The following UBOX5 variants were observed in gnomAD, a reference collection of about 807,000 sequenced individuals.
UBOX5 encodes the protein U-box domain containing 5.
Under a neutral mutation model 39.0 loss-of-function variants are expected in UBOX5, and 28 were observed. That is an observed-to-expected ratio of 0.72 (90% CI 0.53 to 0.98). UBOX5 has a LOEUF of 0.98. Ranked by LOEUF, UBOX5 falls within the 50% of genes least tolerant of loss-of-function variation. The probability of loss-of-function intolerance (pLI) is 0.00; values close to 1 mark genes in which losing one functional copy is unlikely to be tolerated. For synonymous variants in UBOX5, 283 were observed against 275.5 expected (o/e 1.03, Z -0.27); for missense variants, 585 against 674.4 (o/e 0.87, Z 1.47).
intron 1 of UBOX5, among the ~76,000 whole-genome samples, chr20:3,127,402 T>C (rs989529397): frequency 6.6e-6 from 1 of 152,170 alleles, no homozygotes; most frequent in African/African-American, 2.4e-5. Context: ...CTTGTAAATG[T>C]CTATTATCTC....
Position 3,120,577 on chromosome 20 carries a change from C to T in UBOX5, c.1255+807G>A, listed in dbSNP as rs980848462. Among the ~76,000 whole-genome samples, 140 of 148,594 alleles carry T rather than the reference C, an allele frequency of 9.4e-4. 2 individuals are homozygous for T. The highest frequency in any genetic ancestry group is 2.4e-3 in the African/African-American group (98 of 40,056). ...AGGAGAATGGTGTGAACCCGGAAGG[C>T]AGAGCTTGCAGTGAGCCGAGATCAT... On this transcript the variant is annotated intron_variant, in intron 3 of 4. Coordinates refer to ENST00000217173, the MANE Select transcript of UBOX5 (RefSeq NM_014948.4).
chr20:3,115,307 G>C lies in UBOX5; in HGVS notation c.1415C>G (p.Ser472Trp). Reference sequence around the variant, plus strand: ...GGAGATGGCGGGGCCCATGTTACCCGAGCCGGTGCCAGGCCTCCAGGAAGT... The same window carrying C: ...GGAGATGGCGGGGCCCATGTTACCCCAGCCGGTGCCAGGCCTCCAGGAAGT... ...SNTSWRPGTG[S>W]EQPGSILGPE... Residue 472 changes from serine (S) to tryptophan (W), a missense_variant and splice_region_variant, in exon 4 of 5, where the codon TCG becomes TGG. Ser to Trp is a radical substitution (Grantham distance 177). Coordinates refer to ENST00000217173, the MANE Select transcript of UBOX5 (RefSeq NM_014948.4). 6.2e-7 allele frequency: 1 copy of C among 1,610,404 alleles called. No individual in the cohort carries two copies. Among genetic ancestry groups the C allele is most frequent in the Non-Finnish European group, 8.5e-7 (1 of 1,178,450 alleles).
intron 1 of UBOX5, among the ~76,000 whole-genome samples, chr20:3,159,529 G>A (rs1024376020): frequency 3.3e-5 from 5 of 152,210 alleles, no homozygotes; most frequent in Admixed American, 6.5e-5. Context: ...AAAAATCAAG[G>A]GTCAGATAAG....
Position 3,110,097 on chromosome 20 carries a change from G to C in UBOX5, c.*9C>G, listed in dbSNP as rs2066241204. On this transcript the variant is annotated 3_prime_UTR_variant, in exon 5 of 5. Transcript: ENST00000217173. Reference sequence around the variant, plus strand: ...CAGCAATGGGTCTCCTCCAGTGGAGGTCAGTCACTCAGAAGTGGACCCGCA... The same window carrying C: ...CAGCAATGGGTCTCCTCCAGTGGAGCTCAGTCACTCAGAAGTGGACCCGCA... 3.1e-6 allele frequency: 5 copies of C among 1,610,074 alleles called. No homozygotes were observed. The African/African-American group carries it at 5.3e-5, about 17-fold the overall frequency.
chr20:3,156,016 G>A (rs1236965310), intron 1 of UBOX5, among the ~76,000 whole-genome samples: 2 of 152,104 alleles, frequency 1.3e-5, no homozygotes, highest in African/African-American at 2.4e-5. Context: ...AGAACAGTAG[G>A]GAGAAAAGAC....
intron 1 of UBOX5, among the ~76,000 whole-genome samples, chr20:3,145,765 G>C (rs1217709208): frequency 6.6e-6 from 1 of 152,142 alleles, no homozygotes; most frequent in African/African-American, 2.4e-5. Context: ...CAAGGTATAG[G>C]CCAGCCACAG....
chr20:3,122,063 T>A lies in UBOX5; in HGVS notation c.576A>T (p.Glu192Asp). ...GGGIPCIKRL[E>D]VWGQPAKTCS... The stretch of plus-strand genomic sequence containing the variant: ...AGGTCTTGGCCGGCTGACCCCACAC[T>A]TCCAACCGCTTGATACAAGGGATAC... The change falls in exon 3 of 5, where the codon GAA (glutamate) becomes GAT (aspartate). Residue 192 changes from glutamate (E) to aspartate (D), a missense_variant. Physicochemically the swap from Glu to Asp is conservative, Grantham distance 45. Transcript: ENST00000217173. 2.5e-6 allele frequency: 4 copies of A among 1,614,192 alleles called. No individual in the cohort carries two copies. Among genetic ancestry groups the A allele is most frequent in the Non-Finnish European group, 3.4e-6 (4 of 1,180,040 alleles).
At chr20:3,115,956 G>T (rs2066290819) in intron 3 of UBOX5, among the ~76,000 whole-genome samples, 1 of 151,978 alleles carries the variant, frequency 6.6e-6, no homozygotes, top group Non-Finnish European at 1.5e-5. Context: ...TAGAGACGGG[G>T]TTTCACCATG....
intron 1 of UBOX5, chr20:3,148,255 G>C: frequency 6.2e-7 from 1 of 1,612,452 alleles, no homozygotes; most frequent in Non-Finnish European, 8.5e-7. Flanking sequence ...GATCCTTCCA[G>C]TGCAAATTAA....
intron 1 of UBOX5, among the ~76,000 whole-genome samples, chr20:3,126,719 T>C (rs1568473407): frequency 1.3e-5 from 2 of 149,754 alleles, no homozygotes; most frequent in East Asian, 3.9e-4. Flanking sequence ...AGAAAGAAAA[T>C]ATTAGGGTTG....
At chr20:3,118,016 A>T (rs1002597664) in intron 3 of UBOX5, among the ~76,000 whole-genome samples, 1 of 151,824 alleles carries the variant, frequency 6.6e-6, no homozygotes, top group Non-Finnish European at 1.5e-5. Flanking sequence ...AAAATAAAAA[A>T]AATTAGCCAG....
At chr20:3,112,413 G>C (rs2066260528) in intron 4 of UBOX5, among the ~76,000 whole-genome samples, 1 of 149,790 alleles carries the variant, frequency 6.7e-6, no homozygotes, top group Admixed American at 6.6e-5. Context: ...AGCCCCAGGG[G>C]CAGTTTCAGT....
In UBOX5 at chr20:3,122,079, C is replaced by T; in HGVS notation, c.560G>A (p.Cys187Tyr). The T allele has an allele frequency of 2.5e-6, 4 of 1,614,250 alleles. No individual in the cohort carries two copies. The highest frequency in any genetic ancestry group is 2.5e-6 in the Non-Finnish European group (3 of 1,180,046). The change falls in exon 3 of 5, where the codon TGT (cysteine) becomes TAT (tyrosine). Residue 187 changes from cysteine to tyrosine, a missense_variant. Transcript: ENST00000217173. ...ITHVTGGGIPCIKRLEVWGQP... is the reference protein window; with the variant it reads ...ITHVTGGGIPYIKRLEVWGQP... ...ACCCCACACTTCCAACCGCTTGATA[C>T]AAGGGATACCGCCGCCTGTCACATG... is the stretch of plus-strand genomic sequence containing the variant.
intron 4 of UBOX5, among the ~76,000 whole-genome samples, chr20:3,111,282 A>C (rs903261269): frequency 1.3e-5 from 2 of 151,890 alleles, no homozygotes; most frequent in South Asian, 4.2e-4. Context: ...ACCTCAAACC[A>C]ATTTGCTTCA....
At chr20:3,146,891 C>A (rs753590808) in intron 1 of UBOX5, 1 of 1,614,150 alleles carries the variant, frequency 6.2e-7, no homozygotes, top group Non-Finnish European at 8.5e-7. Context: ...GTAGCCAAGC[C>A]GAGCCAGCTG....
chr20:3,141,650 AAAAT>A (rs886597883), intron 1 of UBOX5, among the ~76,000 whole-genome samples: 63 of 151,492 alleles, frequency 4.2e-4, no homozygotes, highest in African/African-American at 1.4e-3. Flanking sequence ...CCGTCTCAAA[AAAAT>A]AAATAAATAA....
intron 1 of UBOX5, among the ~76,000 whole-genome samples, chr20:3,152,597 T>C (rs769755313): frequency 6.6e-6 from 1 of 152,094 alleles, no homozygotes; most frequent in Non-Finnish European, 1.5e-5. Context: ...AAATCTGTAG[T>C]CTTCATCTCA....
rs754960301 is a variant in UBOX5, at chr20:3,115,328, G to C, written c.1394C>G (p.Ser465Cys). ...QHLGTRGSNT[S>C]WRPGTGSEQP... ...ACCCGAGCCGGTGCCAGGCCTCCAG[G>C]AAGTGTTGCTCCCTCTTGTGCCAAG... The change falls in exon 4 of 5, where the codon TCC (serine) becomes TGC (cysteine). Residue 465 changes from serine (S) to cysteine (C), a missense_variant. Physicochemically the swap from Ser to Cys is moderately radical, Grantham distance 112. Coordinates refer to ENST00000217173, the MANE Select transcript of UBOX5 (RefSeq NM_014948.4). 8.1e-6 allele frequency: 13 copies of C among 1,612,716 alleles called. No homozygotes were observed. In the East Asian group the frequency reaches 2.9e-4, roughly 36 times the overall value.
At chr20:3,113,352 G>A (rs769099819) in intron 4 of UBOX5, among the ~76,000 whole-genome samples, 4 of 151,390 alleles carry the variant, frequency 2.6e-5, no homozygotes, top group Admixed American at 6.6e-5. Flanking sequence ...TAAGACTGCA[G>A]AGGAGGAGAC....
Sources: gnomAD v4.1 joint callset for allele counts (sites outside exome capture counted in the v4.1 genomes callset) on GRCh38, gnomAD v4.1.1 for gene constraint, MANE v1.5 for transcripts, NCBI Gene and HGNC (gene_info 2026-07-23, HGNC 2026-07-21) for gene names.